CCDC171: variants seen among roughly 807,000 people sequenced by gnomAD.
CCDC171 encodes the protein coiled-coil domain containing 171, also known as coiled-coil domain-containing protein 171.
A neutral mutation model predicts 168.2 loss-of-function variants in CCDC171; 177 were observed. The observed-to-expected ratio is 1.05, with a 90% CI of 0.93 to 1.19. The LOEUF is 1.19. Among genes scored for constraint, CCDC171 ranks in the 50% most tolerant of loss-of-function variants. CCDC171 has a pLI of 0.00. For synonymous variants in CCDC171, 687 were observed against 540.8 expected (o/e 1.27, Z -3.75); for missense variants, 1,991 against 1,539.0 (o/e 1.29, Z -4.91).
rs373449854 is a variant in CCDC171 at position 15,681,661 on chromosome 9, G to A, written c.1215+2765G>A. Among the ~76,000 whole-genome samples, 18 of 151,524 alleles carry A rather than the reference G, an allele frequency of 1.2e-4. No individual in the cohort carries two copies. In the East Asian group the frequency reaches 1.7e-3, roughly 15 times the overall value. On this transcript the variant is annotated intron_variant, in intron 10 of 25. Transcript: ENST00000380701. The stretch of plus-strand genomic sequence containing the variant: ...ACATATTCCTTTATTGACTTTTCTC[G>A]GTAGATTAGTGGCCTTTGGGGGAAA...
chr9:15,596,920 G>T (rs145951084), intron 6 of CCDC171, among the ~76,000 whole-genome samples: 26 of 152,264 alleles, frequency 1.7e-4, no homozygotes, highest in African/African-American at 5.8e-4. Flanking sequence ...GTGAATGAGA[G>T]TTCACTGATG....
At chr9:16,096,641 C>A in the CCDC171 span, among the ~76,000 whole-genome samples, 3 of 152,172 alleles carry the variant, frequency 2.0e-5, no homozygotes, top group African/African-American at 7.2e-5. Flanking sequence ...AGGTATTTAT[C>A]CCCTGGTCCT....
intron 11 of CCDC171, among the ~76,000 whole-genome samples, chr9:15,716,858 CA>C (rs752016557): frequency 4.1e-4 from 62 of 152,162 alleles, no homozygotes; most frequent in Non-Finnish European, 7.8e-4. Flanking sequence ...CTCAACACTG[CA>C]TTGGGGATTA....
chr9:15,670,202 AG>A lies in CCDC171; in HGVS notation c.1076+3880del, dbSNP rs549485816. Among the ~76,000 whole-genome samples the A allele has an allele frequency of 3.3e-5, 5 of 152,246 alleles. No homozygotes were observed. The South Asian group carries it at 1.0e-3, about 32-fold the overall frequency. ...TTTTTTGTCCGCCAGAATGCTCAAC[AG>A]CAAGGTGTGTTCCCCCATTTCAGTG... On this transcript the variant is annotated intron_variant, in intron 9 of 25. Coordinates refer to ENST00000380701, the MANE Select transcript of CCDC171 (RefSeq NM_173550.4).
chr9:16,098,994 C>G, the CCDC171 span, among the ~76,000 whole-genome samples: 7 of 152,092 alleles, frequency 4.6e-5, no homozygotes, highest in Non-Finnish European at 7.4e-5. Context: ...ATAATAAGCC[C>G]TTATTTGGGA....
At chr9:16,104,672 TCATCCACCCACC>T in the CCDC171 span, among the ~76,000 whole-genome samples, 1 of 151,480 alleles carries the variant, frequency 6.6e-6, no homozygotes, top group South Asian at 2.1e-4. Flanking sequence ...ATCCATCCAT[TCATCCACCCACC>T]CATCCACCCA....
At chr9:15,690,822 A>T (rs1359541184) in intron 10 of CCDC171, among the ~76,000 whole-genome samples, 2 of 152,200 alleles carry the variant, frequency 1.3e-5, no homozygotes, top group Non-Finnish European at 1.5e-5. Context: ...GATATAATAT[A>T]AAAATGGGCA....
chr9:15,768,428 T>A (rs2056848060), intron 18 of CCDC171, among the ~76,000 whole-genome samples: 1 of 152,140 alleles, frequency 6.6e-6, no homozygotes. Flanking sequence ...TCTTAGCTCA[T>A]TTTTTACATG....
At chr9:15,578,130 T>C (rs2040818583) in intron 3 of CCDC171, among the ~76,000 whole-genome samples, 1 of 152,208 alleles carries the variant, frequency 6.6e-6, no homozygotes, top group Non-Finnish European at 1.5e-5. Flanking sequence ...GTTTATTGGT[T>C]CCATTTAGGG....
At chr9:16,093,228 G>A in the CCDC171 span, among the ~76,000 whole-genome samples, 2 of 152,182 alleles carry the variant, frequency 1.3e-5, no homozygotes, top group African/African-American at 2.4e-5. Flanking sequence ...AAACTCAACC[G>A]GAGGTTGTAA....
At chr9:15,846,071 A>C (rs1317196585) in intron 21 of CCDC171, among the ~76,000 whole-genome samples, 1 of 152,126 alleles carries the variant, frequency 6.6e-6, no homozygotes, top group African/African-American at 2.4e-5. Flanking sequence ...TTATAACTTT[A>C]TTAGTTAAAA....
At chr9:15,696,506 G>T (rs1200739274) in intron 11 of CCDC171, among the ~76,000 whole-genome samples, 1 of 152,162 alleles carries the variant, frequency 6.6e-6, no homozygotes, top group Non-Finnish European at 1.5e-5. Context: ...AGTAGGTGCA[G>T]GTATCCAGTT....
chr9:15,607,465 CT>C (rs994958542), intron 6 of CCDC171, among the ~76,000 whole-genome samples: 11 of 149,648 alleles, frequency 7.4e-5, no homozygotes, highest in Middle Eastern at 3.4e-3. Context: ...ATATTTTTCA[CT>C]TTTTTTTTTC....
chr9:16,019,994 A>G (rs992032193), intron 3 of CCDC171, among the ~76,000 whole-genome samples: 3 of 152,186 alleles, frequency 2.0e-5, no homozygotes, highest in African/African-American at 7.2e-5. Flanking sequence ...GTTCCCCTTT[A>G]TCTGCAAGGG....
chr9:15,969,518 C>G (rs935709212), intron 25 of CCDC171, among the ~76,000 whole-genome samples: 2 of 152,108 alleles, frequency 1.3e-5, no homozygotes, highest in Non-Finnish European at 1.5e-5. Flanking sequence ...GAAAATACCC[C>G]CAGAGGATAT....
chr9:15,722,904 ACT>A (rs985445583), intron 12 of CCDC171, among the ~76,000 whole-genome samples: 10 of 151,946 alleles, frequency 6.6e-5, no homozygotes, highest in Non-Finnish European at 1.3e-4. Context: ...AGTTTATGAA[ACT>A]CTTCTGAGGC....
At chr9:15,980,907 G>A (rs557512776) in intron 3 of CCDC171, among the ~76,000 whole-genome samples, 3 of 151,780 alleles carry the variant, frequency 2.0e-5, no homozygotes, top group African/African-American at 7.3e-5. Flanking sequence ...AAAGAAAGAG[G>A]TTTAACTGAA....
intron 10 of CCDC171, among the ~76,000 whole-genome samples, chr9:15,691,525 AT>A (rs2050775766): frequency 8.7e-6 from 1 of 115,130 alleles, no homozygotes; most frequent in African/African-American, 3.2e-5. Flanking sequence ...ATGATTAAAA[AT>A]ACCTGTAAAT....
intron 3 of CCDC171, among the ~76,000 whole-genome samples, chr9:15,997,620 G>T (rs545384028): frequency 6.6e-6 from 1 of 152,168 alleles, no homozygotes; most frequent in East Asian, 1.9e-4. Flanking sequence ...TGCTGTATTT[G>T]ATCTAAGTGC....
Sources: gnomAD v4.1 joint callset for allele counts (sites outside exome capture counted in the v4.1 genomes callset) on GRCh38, gnomAD v4.1.1 for gene constraint, MANE v1.5 for transcripts, NCBI Gene and HGNC (gene_info 2026-07-23, HGNC 2026-07-21) for gene names.